Variants in TOX observed in about 807,000 individuals in gnomAD.
The protein encoded by TOX is thymocyte selection-associated high mobility group box protein TOX.
TOX carries 11 observed loss-of-function variants against 53.7 expected under a neutral mutation model. The observed-to-expected ratio is 0.20, with a 90% CI of 0.13 to 0.34. The LOEUF (loss-of-function observed/expected upper bound fraction) is 0.34. Among genes scored for constraint, TOX ranks in the 10% least tolerant of loss-of-function variants. TOX has a pLI of 1.00. For missense variants in TOX, 570 were observed against 664.6 expected (o/e 0.86, Z 1.56); for synonymous variants, 225 against 245.3 (o/e 0.92, Z 0.77).
intron 4 of TOX, among the ~76,000 whole-genome samples, chr8:58,849,338 C>A (rs1376020914): frequency 6.6e-6 from 1 of 152,110 alleles, no homozygotes; most frequent in Non-Finnish European, 1.5e-5. Flanking sequence ...AACTTTCCTG[C>A]ATTGATAATT....
Position 58,851,785 on chromosome 8 carries a change from T to C in TOX, c.432A>G (p.Pro144=), listed in dbSNP as rs772493960. The change falls in exon 4 of 9, where the codon CCA becomes CCG. Residue 144 remains proline (P), a synonymous_variant. Transcript: ENST00000361421. This position sits in a 1 kb window ranked among gnomAD's most constrained non-coding sequence, Gnocchi z 4.4. ...GATGGGAACTGTACTGAGTTCCTTC[T>C]GGGTTTCGTATATCTGGCATCTACA... ...SISVMPDIRN[P]EGTQYSSHPQ... is the part of the protein sequence containing the mutation. 2.5e-6 allele frequency: 4 copies of C among 1,585,238 alleles called. No individual in the cohort carries two copies. The South Asian group carries it at 4.6e-5, about 18-fold the overall frequency.
chr8:59,000,608 T>G (rs1435774455), intron 1 of TOX, among the ~76,000 whole-genome samples: 1 of 152,204 alleles, frequency 6.6e-6, no homozygotes, highest in East Asian at 1.9e-4. Flanking sequence ...GTATGTATAA[T>G]TAACTTGACT....
chr8:58,894,436 G>C (rs1401165157), intron 3 of TOX, among the ~76,000 whole-genome samples: 2 of 152,176 alleles, frequency 1.3e-5, no homozygotes, highest in Non-Finnish European at 2.9e-5. Context: ...CATGTGTGGG[G>C]CTTGCCCTCT....
intron 1 of TOX, among the ~76,000 whole-genome samples, chr8:58,964,321 T>C (rs1812853653): frequency 6.6e-6 from 1 of 152,174 alleles, no homozygotes; most frequent in Non-Finnish European, 1.5e-5. Context: ...AGAATAGGCG[T>C]AGTCATTCCC....
chr8:58,941,817 C>A (rs1281478653), intron 2 of TOX, among the ~76,000 whole-genome samples: 2 of 152,114 alleles, frequency 1.3e-5, no homozygotes, highest in Non-Finnish European at 2.9e-5. Context: ...TTTTGGGAGG[C>A]TGAGGTGGGC....
chr8:58,972,834 CAT>C (rs1563405516), intron 1 of TOX, among the ~76,000 whole-genome samples: 1 of 152,066 alleles, frequency 6.6e-6, no homozygotes, highest in African/African-American at 2.4e-5. Context: ...ATCTTTTTAC[CAT>C]TAAGTAAATT....
intron 1 of TOX, among the ~76,000 whole-genome samples, chr8:59,090,555 G>A (rs1006477907): frequency 2.6e-5 from 4 of 152,176 alleles, no homozygotes; most frequent in African/African-American, 9.7e-5. Flanking sequence ...AGGAGCCCAG[G>A]ATGCTGGGAA....
chr8:58,998,531 A>AAACT lies in TOX; in HGVS notation c.103-38524_103-38523insAGTT, dbSNP rs1563413495. Among the ~76,000 whole-genome samples the AAACT allele has an allele frequency of 1.2e-3, 28 of 22,816 alleles. 1 individual carries two copies. Among genetic ancestry groups the AAACT allele is most frequent in the East Asian group, 5.7e-3 (3 of 528 alleles). 15.0% of individuals were successfully genotyped at this position (22,816 alleles called of 152,430 possible). ...TATATATATATATATATATATATAT[A>AAACT]TATATATAAATTTATATATAATAAA... On this transcript the variant is annotated intron_variant, in intron 1 of 8. Transcript: ENST00000361421.
At chr8:58,847,105 C>T (rs765195822) in intron 4 of TOX, among the ~76,000 whole-genome samples, 93 of 152,118 alleles carry the variant, frequency 6.1e-4, no homozygotes, top group Non-Finnish European at 9.4e-4. Context: ...AAATATAAAT[C>T]ATCCCCAGAG....
At chr8:58,923,336 C>T (rs1812103525) in intron 3 of TOX, among the ~76,000 whole-genome samples, 1 of 152,026 alleles carries the variant, frequency 6.6e-6, no homozygotes. Context: ...ATTTTGGAGG[C>T]ATTTCTGTGG....
chr8:58,931,095 A>G (rs1316265811), intron 3 of TOX, among the ~76,000 whole-genome samples: 1 of 152,236 alleles, frequency 6.6e-6, no homozygotes, highest in Non-Finnish European at 1.5e-5. Flanking sequence ...CTACACAAAT[A>G]CAAGATGGGA....
At chr8:58,934,669 C>CT (rs1391084923) in intron 3 of TOX, among the ~76,000 whole-genome samples, 3 of 152,152 alleles carry the variant, frequency 2.0e-5, no homozygotes, top group Admixed American at 6.6e-5. Flanking sequence ...TTATTGCAGT[C>CT]TTTTTTGACA....
chr8:59,040,933 C>G (rs1803577584), intron 1 of TOX, among the ~76,000 whole-genome samples: 1 of 152,168 alleles, frequency 6.6e-6, no homozygotes, highest in African/African-American at 2.4e-5. Flanking sequence ...TGCTTCAAAG[C>G]CTCCATTGGC....
At chr8:58,975,844 C>A (rs140710683) in intron 1 of TOX, among the ~76,000 whole-genome samples, 4,645 of 152,134 alleles carry the variant, frequency 0.031, 214 homozygotes, top group African/African-American at 0.1. Context: ...GTGGCCGAGG[C>A]GGGTGGATCA....
At position 58,939,312 on chromosome 8, in the gene TOX, G is replaced by T; in HGVS notation, c.401C>A (p.Ser134Tyr). 1 of 1,614,046 alleles carries T rather than the reference G, an allele frequency of 6.2e-7. No individual in the cohort carries two copies. Among genetic ancestry groups the T allele is most frequent in the Non-Finnish European group, 8.5e-7 (1 of 1,179,978 alleles). Residue 134 changes from serine (S) to tyrosine (Y), a missense_variant, in exon 3 of 9, where the codon TCC (serine) becomes TAC (tyrosine). By Grantham distance (144) the Ser-to-Tyr change is moderately radical (BLOSUM62 -2). Transcript: ENST00000361421. ...TAAGCAGATTCTTACCACAGAAATG[G>T]AATTAGAAAGCAGTGTTCCATCCTG... ...LGQDGTLLSN[S>Y]ISVMPDIRNP...
chr8:59,046,816 G>GCCAC (rs1442446880), intron 1 of TOX, among the ~76,000 whole-genome samples: 1 of 135,052 alleles, frequency 7.4e-6, no homozygotes, highest in African/African-American at 2.9e-5. Context: ...CCAAGATTGT[G>GCCAC]CCACTGCACT....
intron 3 of TOX, among the ~76,000 whole-genome samples, chr8:58,922,966 C>A (rs142616922): frequency 6.6e-6 from 1 of 151,956 alleles, no homozygotes; most frequent in Non-Finnish European, 1.5e-5. Flanking sequence ...GATGGCTAAG[C>A]GCAAAGGTCA....
intron 1 of TOX, among the ~76,000 whole-genome samples, chr8:59,037,406 T>G (rs188792283): frequency 5.8e-4 from 89 of 152,332 alleles, no homozygotes; most frequent in African/African-American, 1.7e-3. Context: ...CTTACTCTCA[T>G]GTTCCTCCTG....
chr8:58,826,477 G>A (rs1489775201), intron 6 of TOX, among the ~76,000 whole-genome samples: 1 of 152,192 alleles, frequency 6.6e-6, no homozygotes, highest in East Asian at 1.9e-4. Context: ...GAGTTGGCAT[G>A]TCCTCAGTAA....
Sources: allele counts gnomAD v4.1 joint callset (sites outside exome capture counted in the v4.1 genomes callset), GRCh38; gene constraint gnomAD v4.1.1; non-coding constraint Gnocchi (gnomAD v3.1); transcripts MANE v1.5; gene names NCBI Gene and HGNC (gene_info 2026-07-23, HGNC 2026-07-21).